Variants in NLGN1 observed in about 807,000 individuals in gnomAD.
NLGN1 encodes the protein neuroligin 1, also known as neuroligin-1.
In NLGN1, 12 loss-of-function variants were observed where a neutral mutation model predicts 65.5. That is an observed-to-expected ratio of 0.18 (90% confidence interval 0.12 to 0.30). The LOEUF (loss-of-function observed/expected upper bound fraction) is 0.30, where lower values mean the gene tolerates loss of function less well. Among genes scored for constraint, NLGN1 ranks in the 10% least tolerant of loss-of-function variants. The pLI is 1.00. For missense variants in NLGN1, 750 were observed against 1,007.1 expected, an observed-to-expected ratio of 0.74 and a Z score of 3.46; for synonymous variants, 350 against 359.5, an observed-to-expected ratio of 0.97 and a Z score of 0.30.
intron 4 of NLGN1, among the ~76,000 whole-genome samples, chr3:174,206,145 A>G (rs1735355625): frequency 6.6e-6 from 1 of 152,236 alleles, no homozygotes; most frequent in Non-Finnish European, 1.5e-5. Flanking sequence ...ACCAGCAAAT[A>G]AGAACATGGA....
chr3:173,847,432 A>G (rs2150715522), intron 4 of NLGN1, among the ~76,000 whole-genome samples: 1 of 152,264 alleles, frequency 6.6e-6, no homozygotes, highest in East Asian at 1.9e-4. Flanking sequence ...ATTTTGATCA[A>G]GTGCTCAATT....
At chr3:174,218,404 G>T (rs980395421) in intron 4 of NLGN1, among the ~76,000 whole-genome samples, 3 of 151,938 alleles carry the variant, frequency 2.0e-5, no homozygotes, top group African/African-American at 7.3e-5. Flanking sequence ...GAAGTAAAAT[G>T]ATACCTTACT....
chr3:173,889,747 T>C (rs186405079), intron 4 of NLGN1, among the ~76,000 whole-genome samples: 107 of 152,080 alleles, frequency 7.0e-4, no homozygotes, highest in African/African-American at 2.5e-3. Flanking sequence ...TAAGGACTAG[T>C]TGTACCGGTT....
At chr3:174,154,981 T>TTATAATA in intron 4 of NLGN1, among the ~76,000 whole-genome samples, 1 of 61,358 alleles carries the variant, frequency 1.6e-5, no homozygotes, top group Non-Finnish European at 2.8e-5. Context: ...TATAATATAT[T>TTATAATA]ATATTATATA....
rs181791048 is a variant in NLGN1 at position 173,777,655 on chromosome 3, A to G, written c.494-30025A>G. 7.4e-3 allele frequency among the ~76,000 whole-genome samples: 1,112 copies of G among 149,416 alleles called. 17 individuals carry two copies. The highest frequency in any genetic ancestry group is 0.025 in the African/African-American group (1,004 of 40,870). ...TGTCTATCTATCTATCTATCTATCT[A>G]TCTATCTATCTATCTATCTATCCAT... On this transcript the variant is annotated intron_variant, in intron 3 of 6. Coordinates refer to ENST00000457714, the Ensembl canonical transcript of NLGN1.
At chr3:174,034,892 G>T (rs941842507) in intron 4 of NLGN1, among the ~76,000 whole-genome samples, 2 of 152,026 alleles carry the variant, frequency 1.3e-5, no homozygotes, top group African/African-American at 4.8e-5. Flanking sequence ...GACTGTGAGG[G>T]TGGATAAAAA....
At chr3:173,603,267 G>A (rs1040720072) in intron 2 of NLGN1, among the ~76,000 whole-genome samples, 2 of 152,138 alleles carry the variant, frequency 1.3e-5, no homozygotes, top group Non-Finnish European at 2.9e-5. Context: ...TTATTTGACA[G>A]TTAACATCAC....
At chr3:173,944,047 A>G (rs1746669461) in intron 4 of NLGN1, among the ~76,000 whole-genome samples, 3 of 152,140 alleles carry the variant, frequency 2.0e-5, no homozygotes, top group African/African-American at 7.2e-5. Flanking sequence ...ACAAAGAAAA[A>G]TACAAAAACA....
intron 2 of NLGN1, among the ~76,000 whole-genome samples, chr3:173,501,111 TTTTAG>T (rs1250023467): frequency 1.3e-5 from 2 of 152,218 alleles, no homozygotes; most frequent in East Asian, 3.9e-4. Flanking sequence ...TTTTGTTAAT[TTTTAG>T]TTTATTTTAA....
chr3:174,158,231 T>A (rs1162677893), intron 4 of NLGN1, among the ~76,000 whole-genome samples: 1 of 151,798 alleles, frequency 6.6e-6, no homozygotes, highest in Non-Finnish European at 1.5e-5. Flanking sequence ...ATTTCACACG[T>A]TTCTCAAATG....
intron 2 of NLGN1, among the ~76,000 whole-genome samples, chr3:173,457,677 C>G (rs184115006): frequency 3.0e-4 from 45 of 152,144 alleles, no homozygotes; most frequent in East Asian, 2.9e-3. Flanking sequence ...TCACGGTAGT[C>G]TTGCTGAGAG....
intron 4 of NLGN1, among the ~76,000 whole-genome samples, chr3:174,038,018 T>C (rs1731503914): frequency 6.6e-6 from 1 of 152,184 alleles, no homozygotes. Flanking sequence ...AATTTTATGA[T>C]ACAAATACAT....
intron 4 of NLGN1, among the ~76,000 whole-genome samples, chr3:173,994,965 T>TA (rs1051961999): frequency 6.6e-5 from 10 of 152,010 alleles, no homozygotes; most frequent in Admixed American, 1.3e-4. Context: ...AGTAGATATA[T>TA]AAAAAAAATG....
chr3:174,258,399 T>A (rs908625680), intron 4 of NLGN1, among the ~76,000 whole-genome samples: 7 of 152,178 alleles, frequency 4.6e-5, no homozygotes, highest in African/African-American at 1.7e-4. Flanking sequence ...AACATTAAAT[T>A]TTCTTAAAGA....
At chr3:174,051,506 A>G (rs1734866156) in intron 4 of NLGN1, among the ~76,000 whole-genome samples, 1 of 152,050 alleles carries the variant, frequency 6.6e-6, no homozygotes, top group African/African-American at 2.4e-5. Flanking sequence ...GATTTCTTAC[A>G]ATCAGTTTGG....
intron 3 of NLGN1, among the ~76,000 whole-genome samples, chr3:173,693,606 C>T (rs924388833): frequency 6.6e-6 from 1 of 151,936 alleles, no homozygotes; most frequent in African/African-American, 2.4e-5. Context: ...GGCATTCACT[C>T]TCCTAAATTT....
At chr3:174,122,838 G>A (rs563555616) in intron 4 of NLGN1, among the ~76,000 whole-genome samples, 5 of 151,546 alleles carry the variant, frequency 3.3e-5, no homozygotes, top group East Asian at 1.9e-4. Context: ...TATCTATGCC[G>A]ATGTTTTTGG....
chr3:174,017,747 G>A (rs1433652350), intron 4 of NLGN1, among the ~76,000 whole-genome samples: 2 of 152,118 alleles, frequency 1.3e-5, no homozygotes, highest in Non-Finnish European at 2.9e-5. Context: ...TGTACAAATA[G>A]GGTGTGGGTC....
rs71162367 is a variant in NLGN1, at chr3:173,852,355, C to CAAA, written c.646+44554_646+44556dup. Among the ~76,000 whole-genome samples the CAAA allele has an allele frequency of 2.7e-3, 126 of 46,660 alleles. 7 individuals are homozygous for CAAA. The highest frequency in any genetic ancestry group is 0.021 in the East Asian group (22 of 1,046). 30.6% of individuals were successfully genotyped at this position (46,660 alleles called of 152,430 possible). ...TGGGCAACAGAGCGAGACTCCGTCT[C>CAAA]AAAAAAAAAAAAAAAAAAAAAAAAA... On this transcript the variant is annotated intron_variant, in intron 4 of 6. Coordinates refer to ENST00000457714, the Ensembl canonical transcript of NLGN1.
Sources: allele counts gnomAD v4.1 joint callset (sites outside exome capture counted in the v4.1 genomes callset), GRCh38; gene constraint gnomAD v4.1.1; transcripts MANE v1.5; gene names NCBI Gene and HGNC (gene_info 2026-07-23, HGNC 2026-07-21).